Variants in SAMD12 observed in about 807,000 individuals in gnomAD.
SAMD12 encodes the protein sterile alpha motif domain containing 12.
A neutral mutation model predicts 15.0 loss-of-function variants in SAMD12; 9 were observed. That is an observed-to-expected ratio of 0.60 (90% CI 0.36 to 1.05). The LOEUF is 1.05. Ranked by LOEUF, SAMD12 falls within the 50% of genes least tolerant of loss-of-function variation. The pLI, the probability that SAMD12 is intolerant of heterozygous loss-of-function variation, is 0.01. For missense variants in SAMD12, 230 were observed against 234.2 expected (o/e 0.98, Z 0.12); for synonymous variants, 86 against 90.1 (o/e 0.96, Z 0.25).
At chr8:118,613,146 A>G (rs1424450625) in intron 1 of SAMD12, among the ~76,000 whole-genome samples, 3 of 152,184 alleles carry the variant, frequency 2.0e-5, no homozygotes, top group African/African-American at 7.2e-5. Flanking sequence ...AAGACTATAC[A>G]TTTACCAAAA....
chr8:118,442,424 C>T (rs1056109482), intron 2 of SAMD12, among the ~76,000 whole-genome samples: 5 of 152,236 alleles, frequency 3.3e-5, no homozygotes, highest in African/African-American at 9.6e-5. Context: ...GCCCTTCATA[C>T]TGGGGTAATG....
At chr8:118,524,900 G>T (rs774182024) in intron 2 of SAMD12, among the ~76,000 whole-genome samples, 1 of 152,166 alleles carries the variant, frequency 6.6e-6, no homozygotes, top group Admixed American at 6.5e-5. Flanking sequence ...TCCTAAGTGG[G>T]ATCCCTGCTT....
chr8:118,304,755 A>G (rs1183756839), intron 4 of SAMD12, among the ~76,000 whole-genome samples: 1 of 105,484 alleles, frequency 9.5e-6, no homozygotes, highest in Non-Finnish European at 1.9e-5. Context: ...ACGAGACTCC[A>G]TCTCATAAAT....
intron 2 of SAMD12, among the ~76,000 whole-genome samples, chr8:118,532,646 T>A (rs1274925213): frequency 2.0e-5 from 3 of 152,220 alleles, no homozygotes; most frequent in African/African-American, 7.2e-5. Flanking sequence ...GAGATTCAAT[T>A]TCTTCCTGGT....
At chr8:118,292,193 T>G (rs1814414702) in intron 4 of SAMD12, among the ~76,000 whole-genome samples, 1 of 151,460 alleles carries the variant, frequency 6.6e-6, no homozygotes, top group South Asian at 2.1e-4. Flanking sequence ...TACGGTGCTG[T>G]GTAAACTGCT....
intron 2 of SAMD12, among the ~76,000 whole-genome samples, chr8:118,472,639 C>A (rs1276689813): frequency 6.6e-6 from 1 of 152,062 alleles, no homozygotes; most frequent in Non-Finnish European, 1.5e-5. Context: ...CGCACCACTG[C>A]ACTCCAGCCT....
At chr8:118,393,198 A>C (rs1043708414) in intron 3 of SAMD12, among the ~76,000 whole-genome samples, 1 of 144,456 alleles carries the variant, frequency 6.9e-6, no homozygotes, top group Non-Finnish European at 1.5e-5. Context: ...AAACACACAC[A>C]AGTAGCAGAA....
chr8:118,468,823 C>A (rs529254431), intron 2 of SAMD12, among the ~76,000 whole-genome samples: 1 of 152,256 alleles, frequency 6.6e-6, no homozygotes, highest in African/African-American at 2.4e-5. Flanking sequence ...AAGGGAGGTA[C>A]AAAAAGCAAT....
intron 3 of SAMD12, among the ~76,000 whole-genome samples, chr8:118,431,715 T>C (rs28849395): frequency 5.2e-4 from 74 of 143,510 alleles, no homozygotes; most frequent in Admixed American, 8.3e-4. Context: ...TGTGTGTGTG[T>C]GTGTGTGTGT....
intron 3 of SAMD12, among the ~76,000 whole-genome samples, chr8:118,392,083 C>A (rs535495081): frequency 6.6e-6 from 1 of 152,180 alleles, no homozygotes; most frequent in Non-Finnish European, 1.5e-5. Context: ...TAATATGACA[C>A]CCTCTCTCCC....
intron 2 of SAMD12, among the ~76,000 whole-genome samples, chr8:118,524,467 G>A (rs925883932): frequency 2.0e-5 from 3 of 152,018 alleles, no homozygotes; most frequent in Non-Finnish European, 4.4e-5. Context: ...GGATGCTGCA[G>A]TATTCAGTCA....
rs546538242 is a variant in SAMD12, at chr8:118,221,734, G to C, written c.434-24002C>G. Among the ~76,000 whole-genome samples, 10 of 152,310 alleles carry C rather than the reference G, an allele frequency of 6.6e-5. No individual in the cohort carries two copies. In the East Asian group the frequency reaches 1.9e-3, roughly 29 times the overall value. On this transcript the variant is annotated intron_variant, in intron 4 of 4. Transcript: ENST00000409003. ...TAGCAGAGGGTGTGCCACGGTCATA[G>C]TTATGGTTTAGAAATCTTGCTCCAT...
chr8:118,420,565 C>A (rs1821949564), intron 3 of SAMD12, among the ~76,000 whole-genome samples: 1 of 152,004 alleles, frequency 6.6e-6, no homozygotes, highest in African/African-American at 2.4e-5. Context: ...CTATGCCACC[C>A]CTTTAAGGTA....
At chr8:118,613,040 G>C (rs1828145363) in intron 1 of SAMD12, among the ~76,000 whole-genome samples, 1 of 152,202 alleles carries the variant, frequency 6.6e-6, no homozygotes, top group Non-Finnish European at 1.5e-5. Context: ...AGTTGTCAGG[G>C]GCTGTGGGTA....
chr8:118,447,742 T>TTTATTTATTTATTTA (rs1822960856), intron 2 of SAMD12, among the ~76,000 whole-genome samples: 1 of 74,390 alleles, frequency 1.3e-5, no homozygotes, highest in Non-Finnish European at 2.7e-5. Context: ...TTATTTATTT[T>TTTATTTATTTATTTA]TGAGATGGAG....
intron 4 of SAMD12, among the ~76,000 whole-genome samples, chr8:118,370,198 G>A (rs1204091921): frequency 6.6e-6 from 1 of 152,040 alleles, no homozygotes; most frequent in Non-Finnish European, 1.5e-5. Context: ...CAACATCACT[G>A]ATCATTAGAG....
chr8:118,526,135 G>T (rs1458923302), intron 2 of SAMD12, among the ~76,000 whole-genome samples: 3 of 152,124 alleles, frequency 2.0e-5, no homozygotes, highest in Non-Finnish European at 4.4e-5. Flanking sequence ...CTTACTGGAA[G>T]CTTATTAGCA....
intron 2 of SAMD12, among the ~76,000 whole-genome samples, chr8:118,540,743 A>C (rs1480973857): frequency 6.6e-6 from 1 of 152,204 alleles, no homozygotes; most frequent in Non-Finnish European, 1.5e-5. Flanking sequence ...AGCTCTTGAA[A>C]ATTTTTATCT....
chr8:118,371,869 C>T (rs932549741), intron 4 of SAMD12, among the ~76,000 whole-genome samples: 11 of 152,010 alleles, frequency 7.2e-5, no homozygotes, highest in East Asian at 1.9e-4. Flanking sequence ...ATATTTGGGA[C>T]GTGGCAGAAG....
Sources: gnomAD v4.1 joint callset for allele counts (sites outside exome capture counted in the v4.1 genomes callset) on GRCh38, gnomAD v4.1.1 for gene constraint, MANE v1.5 for transcripts, NCBI Gene and HGNC (gene_info 2026-07-23, HGNC 2026-07-21) for gene names.